Variants in SCNN1D observed in about 807,000 individuals in gnomAD.
SCNN1D encodes the protein sodium channel epithelial 1 subunit delta.
In SCNN1D, 104 loss-of-function variants were observed where a neutral mutation model predicts 87.8. The observed-to-expected ratio is 1.18, with a 90% CI of 1.01 to 1.39. SCNN1D has a LOEUF of 1.39. SCNN1D is among the 40% of genes most tolerant of loss of function. The pLI is 0.00. For synonymous variants in SCNN1D, 628 were observed against 481.2 expected, an observed-to-expected ratio of 1.31 and a Z score of -3.99; for missense variants, 1,324 against 1,093.9, an observed-to-expected ratio of 1.21 and a Z score of -2.97.
intron 5 of SCNN1D, 142 bp downstream of exon 5, chr1:1,284,232 G>A (rs1210428882): frequency 1.3e-5 from 1 of 78,992 alleles, no homozygotes; most frequent in Non-Finnish European, 2.5e-5. Flanking sequence ...TGGGGTTGGG[G>A]GGCCCCACCT....
Position 1,290,100 on chromosome 1 carries a change from C to A in SCNN1D, c.1663-171C>A, listed in dbSNP as rs1640739844. Among the ~76,000 whole-genome samples, 3 of 141,952 alleles carry A rather than the reference C, an allele frequency of 2.1e-5. 1 individual carries two copies. Among genetic ancestry groups the A allele is most frequent in the African/African-American group, 7.9e-5 (3 of 37,890 alleles). 93.1% of individuals were successfully genotyped at this position (141,952 alleles called of 152,430 possible). On this transcript the variant is annotated intron_variant, in intron 12 of 17. Transcript: ENST00000379116. ...CGTGTCTCTGCTCCGTCCCGTGTCT[C>A]TGCTCCGTCCCGTGTCTCTGCTCCG...
Position 1,291,710 on chromosome 1 carries a change from A to G in SCNN1D, c.*100A>G, listed in dbSNP as rs985105971. 97 of 875,150 alleles carry G rather than the reference A, an allele frequency of 1.1e-4. No individual in the cohort carries two copies. The highest frequency in any genetic ancestry group is 6.5e-4 in the Middle Eastern group (2 of 3,064). The allele number at this position is 875,150 out of a possible 1,614,324, so 54.2% of individuals were successfully genotyped here. On this transcript the variant is annotated 3_prime_UTR_variant, in exon 18 of 18. Transcript: ENST00000379116. Reference sequence around the variant, plus strand: ...CCAGGGTGGGCCAGACCAGCAGCCCAGGAAGCAGCACACGCGGCCGTGGGG... The same window carrying G: ...CCAGGGTGGGCCAGACCAGCAGCCCGGGAAGCAGCACACGCGGCCGTGGGG...
Position 1,286,954 on chromosome 1 carries a change from G to A in SCNN1D, c.1098G>A (p.Arg366=), listed in dbSNP as rs376220378. ...RLQRLSHSGS[R]VRVGFRLCNS... ...AGAGGCTGAGCCACTCGGGCAGCCG[G>A]GTCAGAGTGGGGTTCAGACTGGTGA... is the stretch of plus-strand genomic sequence containing the variant. The change falls in exon 8 of 18, where the codon CGG becomes CGA. Residue 366 remains arginine (R), a synonymous_variant. Transcript: ENST00000379116. 10 of 1,612,196 alleles carry A rather than the reference G, an allele frequency of 6.2e-6. No homozygotes were observed. The African/African-American group carries it at 1.1e-4, about 17-fold the overall frequency.
intron 12 of SCNN1D, among the ~76,000 whole-genome samples, chr1:1,290,018 T>TCC (rs551678270): frequency 8.0e-5 from 4 of 49,794 alleles, no homozygotes; most frequent in Admixed American, 2.9e-4. Context: ...CCCTGCTCCG[T>TCC]CCCGTGTCTC....
At chr1:1,288,261 GTCTCTGCTCCGTCCCCCGAGTC>G (rs1640663930) in intron 12 of SCNN1D, among the ~76,000 whole-genome samples, 98 of 105,556 alleles carry the variant, frequency 9.3e-4, no homozygotes, top group East Asian at 2.5e-3. Flanking sequence ...TCCGTCCCGT[GTCTCTGCTCCGTCCCCCGAGTC>G]TCTGCTCCGT....
In SCNN1D at chr1:1,290,966, T is replaced by C; in HGVS notation, c.1976+13T>C. 6.2e-7 allele frequency: 1 copy of C among 1,600,612 alleles called. No individual in the cohort carries two copies. The highest frequency in any genetic ancestry group is 1.3e-5 in the African/African-American group (1 of 74,698). ...GCCACAGACAGAGGTGGGTGCACCC[T>C]CCCCCTCCAGAGAGGCATCACAGCC... On this transcript the variant is annotated intron_variant, in intron 16 of 17. Coordinates refer to ENST00000379116, the MANE Select transcript of SCNN1D (RefSeq NM_001130413.4).
chr1:1,288,355 C>G (rs1468184640), intron 12 of SCNN1D, among the ~76,000 whole-genome samples: 1 of 58,592 alleles, frequency 1.7e-5, no homozygotes, highest in Admixed American at 1.8e-4. Context: ...TCCCCCGTGT[C>G]TCTGCTCCGT....
At position 1,286,264 on chromosome 1, in the gene SCNN1D, C is replaced by T. The variant is rs150860399; in HGVS notation, c.897C>T (p.Asp299=). The T allele has an allele frequency of 7.5e-4, 1,182 of 1,582,590 alleles. 1 individual carries two copies. The highest frequency in any genetic ancestry group is 9.1e-4 in the Non-Finnish European group (1,068 of 1,168,958). ...RKLLPLVTLC[D]GNPRRPSPVL... Reference sequence around the variant, plus strand: ...TGCTCCCGCTGGTCACCCTGTGTGACGGGAACCCACGTCGGTGAGGGCCAG... The same window carrying T: ...TGCTCCCGCTGGTCACCCTGTGTGATGGGAACCCACGTCGGTGAGGGCCAG... The change falls in exon 7 of 18, where the codon GAC becomes GAT. Residue 299 remains aspartate (D), a synonymous_variant. Transcript: ENST00000379116.
chr1:1,281,079 G>C (rs1027065449), intron 1 of SCNN1D, 147 bp from the exon 2 acceptor site: 2 of 767,268 alleles, frequency 2.6e-6, no homozygotes, highest in East Asian at 5.4e-5. Context: ...CCGACCTTGG[G>C]CTGCCTGTCT....
At chr1:1,286,624 T>TC in intron 7 of SCNN1D, 144 bp from the exon 8 acceptor site, 1 of 800,032 alleles carries the variant, frequency 1.2e-6, no homozygotes, top group South Asian at 1.8e-5. Context: ...AGCCACGGCC[T>TC]CCAACTCCAG....
At chr1:1,291,191 G>A in intron 17 of SCNN1D, 51 bp downstream of exon 17, 3 of 1,593,558 alleles carry the variant, frequency 1.9e-6, no homozygotes, top group Non-Finnish European at 1.7e-6. Context: ...GACAGTGGCT[G>A]GCCCTGCACA....
intron 12 of SCNN1D, among the ~76,000 whole-genome samples, chr1:1,288,283 C>CTCTGCTCCGTCCCGTG (rs1357240731): frequency 1.0e-5 from 1 of 98,464 alleles, no homozygotes; most frequent in Non-Finnish European, 1.7e-5. Context: ...TCCCCCGAGT[C>CTCTGCTCCGTCCCGTG]TCTGCTCCGT....
At position 1,285,941 on chromosome 1, in the gene SCNN1D, C is replaced by A. The variant is rs965312104; in HGVS notation, c.574C>A (p.Pro192Thr). The A allele has an allele frequency of 1.9e-6, 3 of 1,548,924 alleles. No homozygotes were observed. Among genetic ancestry groups the A allele is most frequent in the Admixed American group, 1.8e-5 (1 of 55,628 alleles). The change falls in exon 7 of 18, where the codon CCC becomes ACC. Residue 192 changes from proline to threonine, a missense_variant. Coordinates refer to ENST00000379116, the MANE Select transcript of SCNN1D (RefSeq NM_001130413.4). Reference sequence around the variant, plus strand: ...CTGCACACAGGCTGCAGCCCAGACGCCCCCCAGGCCGGGGCCACCATCAGC... The same window carrying A: ...CTGCACACAGGCTGCAGCCCAGACGACCCCCAGGCCGGGGCCACCATCAGC... Reference protein sequence around the residue: ...CKQGQAAAQTPPRPGPPSAPP... With the variant: ...CKQGQAAAQTTPRPGPPSAPP...
At chr1:1,281,714 C>A in intron 3 of SCNN1D, 104 bp downstream of exon 3, 1 of 1,073,174 alleles carries the variant, frequency 9.3e-7, no homozygotes, top group Non-Finnish European at 1.3e-6. Flanking sequence ...TGAGGCCCTG[C>A]AGGGCATACG....
At position 1,285,536 on chromosome 1, in the gene SCNN1D, C is replaced by T. The variant is rs372045494; in HGVS notation, c.465-35C>T. 6.7e-5 allele frequency: 93 copies of T among 1,386,120 alleles called. No homozygotes were observed. The South Asian group carries it at 6.9e-4, about 10-fold the overall frequency. 85.9% of individuals were successfully genotyped at this position (1,386,120 alleles called of 1,614,324 possible). ...CCTGAGCCCCAGACCCCACGCGGGG[C>T]GCATGGACACGCTACCGTACTTGCC... On this transcript the variant is annotated intron_variant, in intron 5 of 17. Coordinates refer to ENST00000379116, the MANE Select transcript of SCNN1D (RefSeq NM_001130413.4).
chr1:1,287,622 G>A (rs776397044), intron 10 of SCNN1D, 26 bp downstream of exon 10: 70 of 1,609,568 alleles, frequency 4.3e-5, no homozygotes, highest in Non-Finnish European at 5.4e-5. Flanking sequence ...TGGCCGGTGC[G>A]GGGGCAGGGG....
intron 12 of SCNN1D, among the ~76,000 whole-genome samples, 134 bp from the exon 13 acceptor site, chr1:1,290,118 CTGCTCCGTCCCCCGTGTCT>C: frequency 2.2e-5 from 3 of 138,508 alleles, no homozygotes; most frequent in Admixed American, 7.1e-5. Context: ...TCCCGTGTCT[CTGCTCCGTCCCCCGTGTCT>C]CTGCTCCGTC....
chr1:1,291,551 G>C lies in SCNN1D; in HGVS notation c.2350G>C (p.Gly784Arg), dbSNP rs577084714. 58 of 1,592,902 alleles carry C rather than the reference G, an allele frequency of 3.6e-5. No homozygotes were observed. The East Asian group carries it at 1.3e-3, about 35-fold the overall frequency. Residue 784 changes from glycine to arginine, a missense_variant, in exon 18 of 18, where the codon GGA becomes CGA. Transcript: ENST00000379116. ...PRVMLPGVLA[G>R]VSAEESWAGP... ...GGTGATGCTTCCAGGGGTTCTGGCG[G>C]GAGTCTCAGCCGAAGAGAGCTGGGC...
Position 1,281,214 on chromosome 1 carries a change from T to C in SCNN1D, c.6-12T>C. On this transcript the variant is annotated splice_polypyrimidine_tract_variant and intron_variant, in intron 1 of 17. Coordinates refer to ENST00000379116, the MANE Select transcript of SCNN1D (RefSeq NM_001130413.4). ...TGGGGTCCCACAGATGCCAGGCGCC[T>C]GCCATCTCCAGGGCAGTGCTGTCAC... 1 of 1,534,732 alleles carries C rather than the reference T, an allele frequency of 6.5e-7. No homozygotes were observed. The highest frequency in any genetic ancestry group is 8.7e-7 in the Non-Finnish European group (1 of 1,146,674).
Sources: gnomAD v4.1 joint callset for allele counts (sites outside exome capture counted in the v4.1 genomes callset) on GRCh38, gnomAD v4.1.1 for gene constraint, MANE v1.5 for transcripts, NCBI Gene and HGNC (gene_info 2026-07-23, HGNC 2026-07-21) for gene names.